ACMSD: variants seen among roughly 807,000 people sequenced by gnomAD.
ACMSD encodes the protein aminocarboxymuconate semialdehyde decarboxylase, also known as 2-amino-3-carboxymuconate-6-semialdehyde decarboxylase.
ACMSD carries 37 observed loss-of-function variants against 45.9 expected under a neutral mutation model. The ratio of observed to expected loss-of-function variants is 0.81; its 90% CI spans 0.62 to 1.06. The LOEUF (loss-of-function observed/expected upper bound fraction) is 1.06. ACMSD is among the 50% of genes least tolerant of loss of function. The probability of loss-of-function intolerance (pLI) is 0.00; values close to 1 mark genes in which losing one functional copy is unlikely to be tolerated. For synonymous variants in ACMSD, 138 were observed against 148.8 expected, an observed-to-expected ratio of 0.93 and a Z score of 0.53; for missense variants, 434 against 420.9, an observed-to-expected ratio of 1.03 and a Z score of -0.27.
intron 7 of ACMSD, among the ~76,000 whole-genome samples, chr2:134,871,686 C>G (rs867776590): frequency 2.0e-4 from 30 of 149,582 alleles, no homozygotes; most frequent in Admixed American, 1.9e-3. Flanking sequence ...CAGACAGACA[C>G]ACACACACAC....
chr2:134,848,810 G>A (rs995405613), intron 2 of ACMSD, among the ~76,000 whole-genome samples: 9 of 152,140 alleles, frequency 5.9e-5, no homozygotes, highest in Non-Finnish European at 8.8e-5. Flanking sequence ...CATTGCTTCC[G>A]GTGTTTTAGT....
chr2:134,859,269 A>C lies in ACMSD; in HGVS notation c.111A>C (p.Ala37=), dbSNP rs751796286. The change falls in exon 3 of 10, where the codon GCA becomes GCC. Residue 37 remains alanine, a synonymous_variant. Coordinates refer to ENST00000356140, the MANE Select transcript of ACMSD (RefSeq NM_138326.3). ...VQLQHHSKGE[A]KLLKDGKVFR... is the part of the protein sequence containing the mutation. Reference sequence around the variant, plus strand: ...TGGGTTTTCTGCCCCAGGGAGAAGCAAAGTTGTTGAAAGATGGGAAAGTCT... The same window carrying C: ...TGGGTTTTCTGCCCCAGGGAGAAGCCAAGTTGTTGAAAGATGGGAAAGTCT... 4 of 1,614,060 alleles carry C rather than the reference A, an allele frequency of 2.5e-6. No individual in the cohort carries two copies. Among genetic ancestry groups the C allele is most frequent in the Non-Finnish European group, 3.4e-6 (4 of 1,179,968 alleles).
At chr2:134,863,083 T>C (rs913694015) in intron 4 of ACMSD, 2 of 975,046 alleles carry the variant, frequency 2.1e-6, no homozygotes, top group Admixed American at 6.2e-5. Flanking sequence ...CTTTCTGCAG[T>C]TGGCAGTGGC....
intron 8 of ACMSD, among the ~76,000 whole-genome samples, chr2:134,886,246 A>ATTTTTTTT (rs756206850): frequency 1.1e-4 from 13 of 115,474 alleles, no homozygotes; most frequent in South Asian, 2.6e-4. Context: ...TATTATTATT[A>ATTTTTTTT]TTTTTTTTTT....
intron 8 of ACMSD, among the ~76,000 whole-genome samples, chr2:134,880,023 T>C (rs1046124870): frequency 1.3e-5 from 2 of 152,220 alleles, no homozygotes; most frequent in Non-Finnish European, 1.5e-5. Context: ...GAGAAGGAAG[T>C]ATGGAGGATG....
intron 8 of ACMSD, among the ~76,000 whole-genome samples, chr2:134,880,471 T>G (rs1446663424): frequency 6.6e-6 from 1 of 152,196 alleles, no homozygotes; most frequent in Non-Finnish European, 1.5e-5. Flanking sequence ...GTTTTCTGTC[T>G]TACATACCAC....
chr2:134,845,038 T>C (rs1686986203), intron 1 of ACMSD, among the ~76,000 whole-genome samples, 195 bp from the exon 2 acceptor site: 1 of 152,222 alleles, frequency 6.6e-6, no homozygotes, highest in South Asian at 2.1e-4. Flanking sequence ...CAGTATTTTC[T>C]TCTTGTATAA....
At chr2:134,854,812 T>C (rs1253184589) in intron 2 of ACMSD, among the ~76,000 whole-genome samples, 1 of 91,988 alleles carries the variant, frequency 1.1e-5, no homozygotes, top group African/African-American at 3.9e-5. Flanking sequence ...ATGATCCACA[T>C]TTTACAGACA....
intron 8 of ACMSD, among the ~76,000 whole-genome samples, chr2:134,878,546 C>T (rs1343815412): frequency 6.6e-6 from 1 of 152,090 alleles, no homozygotes; most frequent in Non-Finnish European, 1.5e-5. Flanking sequence ...AGGCTGGTCT[C>T]GACCTCCTGG....
At chr2:134,891,440 C>T (rs1322436282) in intron 8 of ACMSD, among the ~76,000 whole-genome samples, 1 of 151,968 alleles carries the variant, frequency 6.6e-6, no homozygotes, top group African/African-American at 2.4e-5. Context: ...TGAATAGACA[C>T]ACTTCAAAAG....
intron 1 of ACMSD, among the ~76,000 whole-genome samples, chr2:134,840,820 T>G (rs1686773357): frequency 6.6e-6 from 1 of 152,122 alleles, no homozygotes. Flanking sequence ...GTTACATGAG[T>G]AAGTTCTTTA....
intron 1 of ACMSD, among the ~76,000 whole-genome samples, chr2:134,842,902 G>T (rs1481677087): frequency 6.6e-6 from 1 of 152,164 alleles, no homozygotes; most frequent in African/African-American, 2.4e-5. Context: ...TCCTTCCCCA[G>T]ATGGAATACT....
chr2:134,839,622 A>G (rs1686691070), intron 1 of ACMSD, among the ~76,000 whole-genome samples: 1 of 152,232 alleles, frequency 6.6e-6, no homozygotes. Context: ...TTGTGCAAAT[A>G]GATGAAACTA....
chr2:134,854,354 T>A (rs1437164805), intron 2 of ACMSD, among the ~76,000 whole-genome samples: 1 of 152,176 alleles, frequency 6.6e-6, no homozygotes, highest in Non-Finnish European at 1.5e-5. Context: ...AGAGTTCCTG[T>A]GAGGGCCAGA....
chr2:134,855,537 C>T (rs963166668), intron 2 of ACMSD, among the ~76,000 whole-genome samples: 3 of 152,218 alleles, frequency 2.0e-5, no homozygotes, highest in East Asian at 1.9e-4. Context: ...GCCTCCACCA[C>T]GACTGCTGCA....
At chr2:134,842,021 G>C (rs1197867191) in intron 1 of ACMSD, among the ~76,000 whole-genome samples, 2 of 152,142 alleles carry the variant, frequency 1.3e-5, no homozygotes, top group African/African-American at 4.8e-5. Flanking sequence ...CATCCACTTT[G>C]ATTCATACAT....
At position 134,861,973 on chromosome 2, in the gene ACMSD, A is replaced by G. The variant is rs1289116690; in HGVS notation, c.204A>G (p.Val68=). ...CTTCTTTGTGTCCATGTCTAGGAGT[A>G]ACAGTGCAAGCCCTTTCCACAGTTC... is the stretch of plus-strand genomic sequence containing the variant. ...VRIREMDQKG[V]TVQALSTVPV... The change falls in exon 4 of 10, where the codon GTA becomes GTG. Residue 68 remains valine (V), a synonymous_variant. Transcript: ENST00000356140. 1.2e-6 allele frequency: 2 copies of G among 1,614,050 alleles called. No individual in the cohort carries two copies. Among genetic ancestry groups the G allele is most frequent in the African/African-American group, 2.7e-5 (2 of 74,920 alleles).
At chr2:134,874,758 A>C (rs1193479599) in intron 8 of ACMSD, among the ~76,000 whole-genome samples, 1 of 152,194 alleles carries the variant, frequency 6.6e-6, no homozygotes, top group Non-Finnish European at 1.5e-5. Context: ...ATATTACTTG[A>C]CTCAGCAGTG....
At chr2:134,840,099 T>A (rs1686713662) in intron 1 of ACMSD, among the ~76,000 whole-genome samples, 1 of 140,444 alleles carries the variant, frequency 7.1e-6, no homozygotes, top group Non-Finnish European at 1.5e-5. Context: ...TACTCCCTAA[T>A]CTGAGAGTTT....
Sources: gnomAD v4.1 joint callset for allele counts (sites outside exome capture counted in the v4.1 genomes callset) on GRCh38, gnomAD v4.1.1 for gene constraint, MANE v1.5 for transcripts, NCBI Gene and HGNC (gene_info 2026-07-23, HGNC 2026-07-21) for gene names.